MAF: variants seen among roughly 807,000 people sequenced by gnomAD.
MAF encodes transcription factor Maf.
In MAF, 10 loss-of-function variants were observed where a neutral mutation model predicts 22.0. The ratio of observed to expected loss-of-function variants is 0.45; its 90% CI spans 0.28 to 0.77. MAF has a LOEUF of 0.77. MAF is among the 30% of genes least tolerant of loss of function. The pLI is 0.12. For synonymous variants in MAF, 337 were observed against 255.8 expected (o/e 1.32, Z -3.03); for missense variants, 544 against 548.4 (o/e 0.99, Z 0.08).
At chr16:79,381,579 T>TA in the MAF span, among the ~76,000 whole-genome samples, 4 of 152,084 alleles carry the variant, frequency 2.6e-5, no homozygotes, top group African/African-American at 9.7e-5. Flanking sequence ...TAGATGATGC[T>TA]CCCCCCATTC....
chr16:79,452,865 G>A, the MAF span, among the ~76,000 whole-genome samples: 3 of 152,154 alleles, frequency 2.0e-5, no homozygotes, highest in African/African-American at 7.2e-5. Context: ...AGAGTCGCGA[G>A]ATGAAAGAAC....
chr16:79,590,657 G>C, downstream of MAF, among the ~76,000 whole-genome samples: 1 of 152,076 alleles, frequency 6.6e-6, no homozygotes, highest in East Asian at 1.9e-4. Flanking sequence ...CAACCTGTCA[G>C]CGGCTTGTCA....
At chr16:79,435,922 C>A in the MAF span, among the ~76,000 whole-genome samples, 1 of 152,156 alleles carries the variant, frequency 6.6e-6, no homozygotes, top group African/African-American at 2.4e-5. Flanking sequence ...AAGGGACCTG[C>A]TCTTTGGAAA....
At chr16:79,553,731 C>T in the MAF span, among the ~76,000 whole-genome samples, 132 of 152,308 alleles carry the variant, frequency 8.7e-4, no homozygotes, top group South Asian at 0.016. Flanking sequence ...AAAAACATCA[C>T]GGTTCTACAG....
intron 1 of MAF, chr16:79,597,024 C>T (rs1309010971): frequency 9.5e-7 from 1 of 1,055,588 alleles, no homozygotes; most frequent in African/African-American, 1.7e-5. Flanking sequence ...CGTTTCCCCT[C>T]TTAATACTTT....
the MAF span, among the ~76,000 whole-genome samples, chr16:79,265,284 C>A: frequency 2.6e-5 from 4 of 152,090 alleles, no homozygotes; most frequent in African/African-American, 9.7e-5. Context: ...TACTTTAATC[C>A]TGACTATCAT....
the MAF span, among the ~76,000 whole-genome samples, chr16:79,412,925 A>G: frequency 6.6e-6 from 1 of 152,252 alleles, no homozygotes; most frequent in African/African-American, 2.4e-5. Context: ...CCCTGTAGGT[A>G]TGTAAATAGG....
chr16:79,479,379 T>C, the MAF span, among the ~76,000 whole-genome samples: 15,502 of 152,284 alleles, frequency 0.1, 1,072 homozygotes, highest in Middle Eastern at 0.15. Flanking sequence ...TTTTCCCGGA[T>C]ATGTGTTTTC....
the MAF span, among the ~76,000 whole-genome samples, chr16:79,494,555 T>C: frequency 6.6e-6 from 1 of 152,076 alleles, no homozygotes; most frequent in Non-Finnish European, 1.5e-5. Flanking sequence ...TCCAGGATAA[T>C]CTCCCACCTC....
chr16:79,453,075 T>C, the MAF span, among the ~76,000 whole-genome samples: 3 of 152,336 alleles, frequency 2.0e-5, no homozygotes, highest in East Asian at 5.8e-4. Flanking sequence ...GTCCCTTCTC[T>C]AGGTAATGTC....
chr16:79,254,950 G>T, the MAF span, among the ~76,000 whole-genome samples: 1 of 152,142 alleles, frequency 6.6e-6, no homozygotes. Context: ...CGAATCCCCA[G>T]GTCAACGTAT....
At chr16:79,485,427 T>C in the MAF span, among the ~76,000 whole-genome samples, 1 of 152,196 alleles carries the variant, frequency 6.6e-6, no homozygotes, top group South Asian at 2.1e-4. Flanking sequence ...ATTTATTTTT[T>C]ACACAGATGC....
the MAF span, among the ~76,000 whole-genome samples, chr16:79,478,725 A>C: frequency 5.9e-5 from 9 of 152,140 alleles, no homozygotes; most frequent in Admixed American, 5.9e-4. Flanking sequence ...GCACCAGTGC[A>C]TCATCCCAGC....
chr16:79,464,101 T>C, the MAF span, among the ~76,000 whole-genome samples: 1 of 152,188 alleles, frequency 6.6e-6, no homozygotes, highest in Non-Finnish European at 1.5e-5. Context: ...TTCTCCACTC[T>C]TATTTTGCTT....
chr16:79,276,676 G>C, the MAF span, among the ~76,000 whole-genome samples: 1 of 152,180 alleles, frequency 6.6e-6, no homozygotes, highest in African/African-American at 2.4e-5. Context: ...CTTGTGCTCT[G>C]AGAAAGGATG....
chr16:79,436,752 C>T, the MAF span, among the ~76,000 whole-genome samples: 1 of 152,188 alleles, frequency 6.6e-6, no homozygotes, highest in African/African-American at 2.4e-5. Context: ...GTCATCTTCC[C>T]CTAAGATGAC....
At chr16:79,518,191 A>G in the MAF span, among the ~76,000 whole-genome samples, 3 of 152,188 alleles carry the variant, frequency 2.0e-5, no homozygotes, top group African/African-American at 7.2e-5. Flanking sequence ...TCATTTGCCC[A>G]ATGTCACATT....
At chr16:79,533,415 T>C in the MAF span, among the ~76,000 whole-genome samples, 1 of 152,298 alleles carries the variant, frequency 6.6e-6, no homozygotes, top group South Asian at 2.1e-4. Flanking sequence ...ATTCCTTATA[T>C]TAATACTACA....
the MAF span, among the ~76,000 whole-genome samples, chr16:79,347,080 C>T: frequency 6.6e-6 from 1 of 152,222 alleles, no homozygotes; most frequent in African/African-American, 2.4e-5. Flanking sequence ...AGTAGGGGAT[C>T]TGGCACGCAG....
Sources: gnomAD v4.1 joint callset for allele counts (sites outside exome capture counted in the v4.1 genomes callset) on GRCh38, gnomAD v4.1.1 for gene constraint, MANE v1.5 for transcripts, NCBI Gene and HGNC (gene_info 2026-07-23, HGNC 2026-07-21) for gene names.